Variants in MAD1L1 observed in about 807,000 individuals in gnomAD.
The protein encoded by MAD1L1 is mitotic spindle assembly checkpoint protein MAD1.
MAD1L1 carries 95 observed loss-of-function variants against 96.9 expected under a neutral mutation model. The observed-to-expected ratio is 0.98, with a 90% CI of 0.83 to 1.16. The LOEUF is 1.16. MAD1L1 is among the 50% of genes most tolerant of loss of function. MAD1L1 has a pLI of 0.00. For synonymous variants in MAD1L1, 473 were observed against 396.6 expected, an observed-to-expected ratio of 1.19 and a Z score of -2.29; for missense variants, 1,007 against 954.4, an observed-to-expected ratio of 1.06 and a Z score of -0.73.
chr7:2,078,434 C>T (rs1785482732), intron 11 of MAD1L1, among the ~76,000 whole-genome samples: 1 of 152,230 alleles, frequency 6.6e-6, no homozygotes, highest in Admixed American at 6.5e-5. Context: ...TCAAGAGGTC[C>T]CAGTTCCTCC....
At chr7:2,127,486 G>C (rs1246760884) in intron 11 of MAD1L1, among the ~76,000 whole-genome samples, 1 of 152,210 alleles carries the variant, frequency 6.6e-6, no homozygotes, top group Admixed American at 6.5e-5. Context: ...CGGAGGAGCA[G>C]CTGCACACGG....
intron 12 of MAD1L1, among the ~76,000 whole-genome samples, chr7:2,028,498 A>G (rs1223618825): frequency 6.6e-6 from 1 of 152,134 alleles, no homozygotes; most frequent in Non-Finnish European, 1.5e-5. Flanking sequence ...AGAAGATTCA[A>G]TATTGTGCAG....
chr7:2,127,979 C>T (rs527914111), intron 11 of MAD1L1, among the ~76,000 whole-genome samples: 7 of 152,284 alleles, frequency 4.6e-5, no homozygotes, highest in South Asian at 2.1e-4. Context: ...GTCCACCTCT[C>T]GGAACTTCAT....
intron 11 of MAD1L1, among the ~76,000 whole-genome samples, chr7:2,100,921 C>T (rs1334578055): frequency 6.6e-6 from 1 of 152,344 alleles, no homozygotes; most frequent in South Asian, 2.1e-4. Flanking sequence ...TCTGCAGACA[C>T]GCCTGACAAC....
intron 17 of MAD1L1, among the ~76,000 whole-genome samples, chr7:1,931,002 A>T (rs1211037169): frequency 3.3e-5 from 5 of 151,130 alleles, no homozygotes; most frequent in Admixed American, 3.3e-4. Context: ...CGGTCACAGG[A>T]GCGAGGGCGC....
In MAD1L1 at chr7:1,816,141, G is replaced by A. The variant is rs765386782; in HGVS notation, c.2086C>T (p.Arg696Cys). The A allele has an allele frequency of 1.9e-5, 30 of 1,613,096 alleles. No homozygotes were observed. The highest frequency in any genetic ancestry group is 7.7e-5 in the South Asian group (7 of 91,062). ...AGGAAGGCAGGGATGCTGTCCTGGC[G>A]CCGCAGGTGCACCTCGATGAGCTCG... is the stretch of plus-strand genomic sequence containing the variant. ...VGELIEVHLR[R>C]QDSIPAFLSS... is the part of the protein sequence containing the mutation. The change falls in exon 19 of 19, where the codon CGC becomes TGC. Residue 696 changes from arginine to cysteine, a missense_variant. Arg to Cys is a radical substitution (Grantham distance 180, BLOSUM62 -3). Coordinates refer to ENST00000265854, the MANE Select transcript of MAD1L1 (RefSeq NM_001013836.2).
chr7:1,876,615 A>G (rs1032211171), intron 18 of MAD1L1, among the ~76,000 whole-genome samples: 2 of 152,006 alleles, frequency 1.3e-5, no homozygotes, highest in African/African-American at 2.4e-5. Flanking sequence ...TGTTTTCCAT[A>G]TTTTTATATA....
intron 11 of MAD1L1, among the ~76,000 whole-genome samples, chr7:2,132,791 T>C (rs1788579929): frequency 1.3e-5 from 2 of 152,244 alleles, no homozygotes; most frequent in South Asian, 4.1e-4. Flanking sequence ...CATTCACCCA[T>C]GGAAGGACAC....
At position 2,203,409 on chromosome 7, in the gene MAD1L1, C is replaced by T. The variant is rs575433722; in HGVS notation, c.986+9803G>A. Reference sequence around the variant, plus strand: ...CCCCCATTAGGTGACGGCAGTCACACGCCGTGACGGGAGCGCACAGCACTC... The same window carrying T: ...CCCCCATTAGGTGACGGCAGTCACATGCCGTGACGGGAGCGCACAGCACTC... On this transcript the variant is annotated intron_variant, in intron 10 of 18. Transcript: ENST00000265854. 3.3e-5 allele frequency among the ~76,000 whole-genome samples: 5 copies of T among 152,364 alleles called. No homozygotes were observed. In the South Asian group the frequency reaches 6.2e-4, roughly 19 times the overall value.
intron 14 of MAD1L1, among the ~76,000 whole-genome samples, chr7:1,981,023 G>A (rs1780880138): frequency 6.6e-6 from 1 of 152,214 alleles, no homozygotes; most frequent in East Asian, 1.9e-4. Flanking sequence ...CTGGAGTGCA[G>A]TGGCACAATC....
intron 10 of MAD1L1, among the ~76,000 whole-genome samples, chr7:2,172,076 T>C (rs996746344): frequency 1.3e-5 from 2 of 152,102 alleles, no homozygotes; most frequent in African/African-American, 4.8e-5. Context: ...CTGCCTGTAC[T>C]TCCTCACTCA....
intron 18 of MAD1L1, among the ~76,000 whole-genome samples, chr7:1,836,858 ACTT>A (rs1782959748): frequency 6.6e-6 from 1 of 152,146 alleles, no homozygotes; most frequent in African/African-American, 2.4e-5. Flanking sequence ...GAACTATAAA[ACTT>A]CTAGAAGAAA....
chr7:2,124,808 A>G (rs1431195635), intron 11 of MAD1L1, among the ~76,000 whole-genome samples: 1 of 152,190 alleles, frequency 6.6e-6, no homozygotes, highest in Non-Finnish European at 1.5e-5. Context: ...CTCAGTGCCA[A>G]GCACGGTGAC....
chr7:2,010,147 A>G (rs1433576236), intron 13 of MAD1L1, among the ~76,000 whole-genome samples: 1 of 145,946 alleles, frequency 6.9e-6, no homozygotes, highest in Non-Finnish European at 1.5e-5. Flanking sequence ...TCAATGAGGG[A>G]AACATCACCA....
At chr7:2,091,338 G>A (rs952438266) in intron 11 of MAD1L1, among the ~76,000 whole-genome samples, 4 of 152,194 alleles carry the variant, frequency 2.6e-5, no homozygotes, top group Non-Finnish European at 5.9e-5. Flanking sequence ...GGGCCCCGCA[G>A]CAGTACAGGT....
chr7:2,084,415 C>T (rs1403571006), intron 11 of MAD1L1, among the ~76,000 whole-genome samples: 4 of 152,170 alleles, frequency 2.6e-5, no homozygotes, highest in Admixed American at 6.5e-5. Context: ...ATGCGAGTGG[C>T]GCTGCCCGGG....
chr7:1,863,235 G>T (rs935950286), intron 18 of MAD1L1, among the ~76,000 whole-genome samples: 1 of 152,280 alleles, frequency 6.6e-6, no homozygotes, highest in Non-Finnish European at 1.5e-5. Flanking sequence ...AGCCCAGGGC[G>T]GGGTGAATGC....
rs1345529096 is a variant in MAD1L1, at chr7:1,885,702, CGTGGCTCT to C, written c.1998+12490_1998+12497del. On this transcript the variant is annotated intron_variant, in intron 18 of 18. Coordinates refer to ENST00000265854, the MANE Select transcript of MAD1L1 (RefSeq NM_001013836.2). ...CCCAAGGTGCCCACTCACCTGGCCC[CGTGGCTCT>C]GACTGCTGCCCCGTGGAGCAGAGGC... 5.9e-5 allele frequency among the ~76,000 whole-genome samples: 9 copies of C among 152,322 alleles called. No homozygotes were observed. The South Asian group carries it at 1.7e-3, about 28-fold the overall frequency.
chr7:1,877,375 C>G (rs1263086715), intron 18 of MAD1L1, among the ~76,000 whole-genome samples: 1 of 151,622 alleles, frequency 6.6e-6, no homozygotes, highest in East Asian at 1.9e-4. Context: ...TTTACTGACC[C>G]TTGCCCTAGA....
Sources: gnomAD v4.1 joint callset for allele counts (sites outside exome capture counted in the v4.1 genomes callset) on GRCh38, gnomAD v4.1.1 for gene constraint, MANE v1.5 for transcripts, NCBI Gene and HGNC (gene_info 2026-07-23, HGNC 2026-07-21) for gene names.